Variants in ENTPD7 observed in about 807,000 individuals in gnomAD.
ENTPD7 encodes ectonucleoside triphosphate diphosphohydrolase 7, also known as NTPDase 7.
A neutral mutation model predicts 77.9 loss-of-function variants in ENTPD7; 53 were observed. That is an observed-to-expected ratio of 0.68 (90% CI 0.55 to 0.85). The LOEUF is 0.85. ENTPD7 is among the 40% of genes least tolerant of loss of function. The probability of loss-of-function intolerance (pLI) is 0.00; values close to 1 mark genes in which losing one functional copy is unlikely to be tolerated. For synonymous variants in ENTPD7, 248 were observed against 274.9 expected (o/e 0.90, Z 0.97); for missense variants, 636 against 743.7 (o/e 0.86, Z 1.68).
At chr10:99,697,050 T>C (rs1209211620) in intron 9 of ENTPD7, among the ~76,000 whole-genome samples, 1 of 152,234 alleles carries the variant, frequency 6.6e-6, no homozygotes, top group African/African-American at 2.4e-5. Context: ...GAAGAAGTAC[T>C]GGTATACCCC....
chr10:99,663,470 T>G (rs564155354), intron 3 of ENTPD7, among the ~76,000 whole-genome samples: 1 of 151,702 alleles, frequency 6.6e-6, no homozygotes, highest in Non-Finnish European at 1.5e-5. Flanking sequence ...TATTTGTTTT[T>G]TTTTTTTTTT....
intron 11 of ENTPD7, 113 bp from the exon 12 acceptor site, chr10:99,702,399 C>T (rs1287214705): frequency 2.1e-5 from 18 of 851,468 alleles, no homozygotes; most frequent in African/African-American, 6.9e-5. Context: ...GAAGGTGAAG[C>T]GGGAGGAGGT....
rs546485683 is a variant in ENTPD7 at position 99,708,885 on chromosome 10, CAG to C, written c.*4204_*4205del. 7 of 985,248 alleles carry C rather than the reference CAG, an allele frequency of 7.1e-6. No individual in the cohort carries two copies. Among genetic ancestry groups the C allele is most frequent in the African/African-American group, 1.7e-5 (1 of 57,218 alleles). 61.0% of individuals were successfully genotyped at this position (985,248 alleles called of 1,614,324 possible). ...AACAGAATCTTTCTGCAAGTATAAA[CAG>C]AATCTATTTTTTATAAAACAGCTGG... On this transcript the variant is annotated 3_prime_UTR_variant, in exon 13 of 13. Coordinates refer to ENST00000370489, the MANE Select transcript of ENTPD7 (RefSeq NM_020354.5).
chr10:99,679,170 T>G (rs1161557322), intron 3 of ENTPD7, 91 bp from the exon 4 acceptor site: 6 of 1,265,926 alleles, frequency 4.7e-6, no homozygotes, highest in Non-Finnish European at 5.6e-6. Context: ...ATGTAGGCAC[T>G]TAATGAAGAT....
intron 3 of ENTPD7, among the ~76,000 whole-genome samples, chr10:99,668,716 A>G (rs1366313996): frequency 6.6e-6 from 1 of 152,202 alleles, no homozygotes; most frequent in African/African-American, 2.4e-5. Flanking sequence ...TCTATTTAAA[A>G]TTTTGATGAA....
At chr10:99,680,596 T>G (rs2035740297) in intron 5 of ENTPD7, among the ~76,000 whole-genome samples, 1 of 150,936 alleles carries the variant, frequency 6.6e-6, no homozygotes, top group Admixed American at 6.6e-5. Context: ...GATTTTTTTC[T>G]TTTTTTTTAG....
chr10:99,699,573 T>C (rs989998476), intron 10 of ENTPD7, among the ~76,000 whole-genome samples: 7 of 152,186 alleles, frequency 4.6e-5, no homozygotes, highest in African/African-American at 1.7e-4. Context: ...CTCATATTTC[T>C]TTTTTTCTTG....
chr10:99,663,865 G>A (rs573840610), intron 3 of ENTPD7, among the ~76,000 whole-genome samples: 1 of 152,148 alleles, frequency 6.6e-6, no homozygotes, highest in African/African-American at 2.4e-5. Context: ...GATTTTTGTT[G>A]TTGTTGTTCT....
At chr10:99,683,839 AC>A (rs543904406) in intron 5 of ENTPD7, among the ~76,000 whole-genome samples, 13 of 152,220 alleles carry the variant, frequency 8.5e-5, no homozygotes, top group Non-Finnish European at 1.6e-4. Context: ...AAGTTATTTA[AC>A]CAATCCCTAT....
chr10:99,691,555 T>G, intron 8 of ENTPD7, 37 bp downstream of exon 8: 2 of 1,609,004 alleles, frequency 1.2e-6, no homozygotes, highest in Non-Finnish European at 1.7e-6. Flanking sequence ...TTGCTAGGAA[T>G]GCTAGTATTT....
Position 99,708,975 on chromosome 10 carries a change from C to T in ENTPD7, c.*4292C>T, listed in dbSNP as rs201701928. On this transcript the variant is annotated 3_prime_UTR_variant, in exon 13 of 13. Transcript: ENST00000370489. ...GACATTCATTTATGACTGCTTTGCT[C>T]ACATTTAGGAATAAACTTTGAAAAA... 1 of 985,410 alleles carries T rather than the reference C, an allele frequency of 1.0e-6. No homozygotes were observed. Among genetic ancestry groups the T allele is most frequent in the East Asian group, 1.1e-4 (1 of 8,820 alleles). 61.0% of individuals were successfully genotyped at this position (985,410 alleles called of 1,614,324 possible). A position where few individuals can be genotyped will look rare whatever the true frequency, so the allele number is the denominator to read the frequency against.
chr10:99,693,793 C>T (rs1417424058), intron 8 of ENTPD7, among the ~76,000 whole-genome samples: 3 of 152,014 alleles, frequency 2.0e-5, no homozygotes, highest in Admixed American at 6.6e-5. Flanking sequence ...TGGGCAGGCA[C>T]CTCTAACCCT....
In ENTPD7 at chr10:99,704,730, C is replaced by T. The variant is rs755549811; in HGVS notation, c.*47C>T. Reference sequence around the variant, plus strand: ...GCTTGAGCACCCCCGAGTTGCTGCTCATTGAATTCCTCCACTTTCTTATAT... The same window carrying T: ...GCTTGAGCACCCCCGAGTTGCTGCTTATTGAATTCCTCCACTTTCTTATAT... On this transcript the variant is annotated 3_prime_UTR_variant, in exon 13 of 13. Coordinates refer to ENST00000370489, the MANE Select transcript of ENTPD7 (RefSeq NM_020354.5). 6 of 1,519,012 alleles carry T rather than the reference C, an allele frequency of 3.9e-6. No individual in the cohort carries two copies. In the Admixed American group the frequency reaches 9.5e-5, roughly 24 times the overall value. The allele number at this position is 1,519,012 out of a possible 1,614,324, so 94.1% of individuals were successfully genotyped here.
In ENTPD7 at chr10:99,705,620, T is replaced by G. The variant is rs1218932595; in HGVS notation, c.*937T>G. The G allele has an allele frequency of 6.6e-6, 1 of 152,200 alleles. No individual in the cohort carries two copies. Among genetic ancestry groups the G allele is most frequent in the African/African-American group, 2.4e-5 (1 of 41,452 alleles). 9.4% of individuals were successfully genotyped at this position (152,200 alleles called of 1,614,324 possible). ...CAGTATGTAGTATGGGGAATGTATTTGGGTTGTTTTTAAAGAAAAGGGGAA... is the reference window on the plus strand; with the variant it reads ...CAGTATGTAGTATGGGGAATGTATTGGGGTTGTTTTTAAAGAAAAGGGGAA... On this transcript the variant is annotated 3_prime_UTR_variant, in exon 13 of 13. Transcript: ENST00000370489.
At chr10:99,675,001 G>C (rs2035663095) in intron 3 of ENTPD7, among the ~76,000 whole-genome samples, 2 of 152,214 alleles carry the variant, frequency 1.3e-5, no homozygotes, top group South Asian at 4.1e-4. Flanking sequence ...AAGTTGTCTA[G>C]AGTAAAAGCA....
intron 3 of ENTPD7, among the ~76,000 whole-genome samples, chr10:99,674,640 T>G (rs571088608): frequency 6.6e-6 from 1 of 152,386 alleles, no homozygotes; most frequent in South Asian, 2.1e-4. Flanking sequence ...TCCTCCTTTT[T>G]AAGGCGGAAT....
rs68112730 is a variant in ENTPD7 at position 99,660,526 on chromosome 10, G to GCACA, written c.8+595_8+598dup. 1,816 of 283,234 alleles carry GCACA rather than the reference G, an allele frequency of 6.4e-3. 8 individuals are homozygous for GCACA. The highest frequency in any genetic ancestry group is 9.4e-3 in the Non-Finnish European group (1,310 of 139,464). 17.5% of individuals were successfully genotyped at this position (283,234 alleles called of 1,614,324 possible). ...TGTGTAAAACCGAGGGAATGGATAC[G>GCACA]CACACACACACACACACACACACAC... On this transcript the variant is annotated intron_variant, in intron 2 of 12. Transcript: ENST00000370489.
In ENTPD7 at chr10:99,671,306, G is replaced by A. The variant is rs528912726; in HGVS notation, c.192-7955G>A. 9.2e-5 allele frequency among the ~76,000 whole-genome samples: 14 copies of A among 151,908 alleles called. No individual in the cohort carries two copies. In the South Asian group the frequency reaches 2.9e-3, roughly 32 times the overall value. On this transcript the variant is annotated intron_variant, in intron 3 of 12. Transcript: ENST00000370489. Reference sequence around the variant, plus strand: ...TTTTAAAAACTTTTTGACTGTTTTGGACTAACACAACTTAAAACACAAACA... The same window carrying A: ...TTTTAAAAACTTTTTGACTGTTTTGAACTAACACAACTTAAAACACAAACA...
rs1355355308 is a variant in ENTPD7, at chr10:99,659,929, C to T, written c.-28C>T. The T allele has an allele frequency of 1.2e-6, 2 of 1,613,910 alleles. No individual in the cohort carries two copies. The highest frequency in any genetic ancestry group is 1.7e-5 in the Admixed American group (1 of 60,006). Reference sequence around the variant, plus strand: ...TCAGGGCAAAAGAAAAAGAAGGTGACAGGCGTTGAGACCACCGAAGGGAAC... The same window carrying T: ...TCAGGGCAAAAGAAAAAGAAGGTGATAGGCGTTGAGACCACCGAAGGGAAC... On this transcript the variant is annotated 5_prime_UTR_variant, in exon 2 of 13. Coordinates refer to ENST00000370489, the MANE Select transcript of ENTPD7 (RefSeq NM_020354.5). This position sits in a 1 kb window ranked among gnomAD's most constrained non-coding sequence, Gnocchi z 4.1.
Sources: allele counts gnomAD v4.1 joint callset (sites outside exome capture counted in the v4.1 genomes callset), GRCh38; gene constraint gnomAD v4.1.1; non-coding constraint Gnocchi (gnomAD v3.1); transcripts MANE v1.5; gene names NCBI Gene and HGNC (gene_info 2026-07-23, HGNC 2026-07-21).